The following TMC2 variants were observed in gnomAD, a reference collection of about 807,000 sequenced individuals.
TMC2 encodes transmembrane channel-like protein 2.
In TMC2, 102 loss-of-function variants were observed where a neutral mutation model predicts 105.9. The observed-to-expected ratio is 0.96, with a 90% confidence interval of 0.82 to 1.14. TMC2 has a LOEUF of 1.14. Among genes scored for constraint, TMC2 ranks in the 50% most tolerant of loss-of-function variants. The pLI is 0.00. For synonymous variants in TMC2, 402 were observed against 422.8 expected, an observed-to-expected ratio of 0.95 and a Z score of 0.60; for missense variants, 1,093 against 1,134.3, an observed-to-expected ratio of 0.96 and a Z score of 0.52.
At chr20:2,561,527 T>C (rs2086025714) in intron 3 of TMC2, among the ~76,000 whole-genome samples, 1 of 152,242 alleles carries the variant, frequency 6.6e-6, no homozygotes, top group South Asian at 2.1e-4. Context: ...TTAAAATTGC[T>C]TTAATCCATT....
chr20:2,551,326 GTT>G (rs1384786792), intron 2 of TMC2, among the ~76,000 whole-genome samples: 1 of 148,734 alleles, frequency 6.7e-6, no homozygotes, highest in East Asian at 2.0e-4. Flanking sequence ...TTATTCTTGA[GTT>G]TTCATGTGTG....
At position 2,580,041 on chromosome 20, in the gene TMC2, A is replaced by G. The variant is rs776344938; in HGVS notation, c.819A>G (p.Leu273=). Residue 273 remains leucine, a synonymous_variant, in exon 7 of 20, where the codon CTA becomes CTG. Transcript: ENST00000358864. Reference sequence around the variant, plus strand: ...TCCTTTTTGGCTTAATATTTGGTCTAGTCATAATCCCAGAGGTAAGAAAAG... The same window carrying G: ...TCCTTTTTGGCTTAATATTTGGTCTGGTCATAATCCCAGAGGTAAGAAAAG... The part of the protein sequence containing the change: ...NLVLFGLIFG[L]VIIPEVLMGM... The G allele has an allele frequency of 1.2e-6, 2 of 1,610,182 alleles. No individual in the cohort carries two copies. Among genetic ancestry groups the G allele is most frequent in the Non-Finnish European group, 1.7e-6 (2 of 1,176,454 alleles).
intron 5 of TMC2, among the ~76,000 whole-genome samples, chr20:2,575,826 C>T (rs1428662962): frequency 6.6e-6 from 1 of 151,622 alleles, no homozygotes; most frequent in Non-Finnish European, 1.5e-5. Context: ...ATCCATTTTC[C>T]TCTGTGTCAA....
In TMC2 at chr20:2,610,552, A is replaced by C. The variant is rs780454446; in HGVS notation, c.1547A>C (p.Asn516Thr). The C allele has an allele frequency of 6.2e-7, 1 of 1,611,446 alleles. No individual in the cohort carries two copies. The highest frequency in any genetic ancestry group is 1.1e-5 in the South Asian group (1 of 90,816). The change falls in exon 12 of 20, where the codon AAC (asparagine) becomes ACC (threonine). Residue 516 changes from asparagine to threonine, a missense_variant. Transcript: ENST00000358864. ...CGCATCTTTGCACTCTTCCTGGGGAACCTCTACACATTTCTCTTGGCCCTG... is the reference window on the plus strand; with the variant it reads ...CGCATCTTTGCACTCTTCCTGGGGACCCTCTACACATTTCTCTTGGCCCTG... Reference protein sequence around the residue: ...LGRIFALFLGNLYTFLLALMD... With the variant: ...LGRIFALFLGTLYTFLLALMD...
chr20:2,563,759 G>A (rs904169046), intron 4 of TMC2, among the ~76,000 whole-genome samples: 5 of 152,138 alleles, frequency 3.3e-5, no homozygotes, highest in African/African-American at 1.2e-4. Flanking sequence ...ACAGAGTCTT[G>A]CTCTGTCACC....
chr20:2,593,246 G>A (rs1010578854), intron 8 of TMC2, among the ~76,000 whole-genome samples: 1 of 152,018 alleles, frequency 6.6e-6, no homozygotes, highest in African/African-American at 2.4e-5. Flanking sequence ...GAACAGCATG[G>A]GGGAAACTGT....
At chr20:2,549,481 G>A (rs568634374) in intron 2 of TMC2, among the ~76,000 whole-genome samples, 14 of 152,200 alleles carry the variant, frequency 9.2e-5, no homozygotes, top group South Asian at 2.1e-4. Flanking sequence ...GGTTGCTTAC[G>A]TCTGTAATCC....
intron 16 of TMC2, among the ~76,000 whole-genome samples, chr20:2,619,418 C>T (rs1453511094): frequency 6.6e-6 from 1 of 152,138 alleles, no homozygotes; most frequent in Admixed American, 6.6e-5. Context: ...AAGAGTAATA[C>T]ATCTGCTAGT....
rs751015833 is a variant in TMC2 at position 2,641,544 on chromosome 20, C to T, written c.*193C>T. The T allele has an allele frequency of 2.7e-4, 153 of 576,728 alleles. No homozygotes were observed. Among genetic ancestry groups the T allele is most frequent in the Non-Finnish European group, 4.4e-4 (143 of 323,180 alleles). The allele number at this position is 576,728 out of a possible 1,614,324, so 35.7% of individuals were successfully genotyped here. A position where few individuals can be genotyped will look rare whatever the true frequency, so the allele number is the denominator to read the frequency against. ...GGAGGAAGACAGTGGCTTCACCTGT[C>T]CTTTAGGGAAGCTGGAGCCATCTCT... On this transcript the variant is annotated 3_prime_UTR_variant, in exon 20 of 20. Coordinates refer to ENST00000358864, the MANE Select transcript of TMC2 (RefSeq NM_080751.3).
chr20:2,620,707 A>C (rs1032433992), intron 16 of TMC2, among the ~76,000 whole-genome samples: 14 of 152,332 alleles, frequency 9.2e-5, no homozygotes, highest in Admixed American at 8.5e-4. Flanking sequence ...CAGCTGAGAC[A>C]TGTGCTATCC....
intron 2 of TMC2, among the ~76,000 whole-genome samples, chr20:2,551,393 G>T (rs1370060394): frequency 7.2e-6 from 1 of 139,840 alleles, no homozygotes; most frequent in Non-Finnish European, 1.5e-5. Context: ...TTTTCTACTA[G>T]TTTGTGGGTT....
At chr20:2,554,420 C>T (rs1021324148) in intron 2 of TMC2, among the ~76,000 whole-genome samples, 1 of 152,098 alleles carries the variant, frequency 6.6e-6, no homozygotes, top group Non-Finnish European at 1.5e-5. Context: ...TTCTCTCCAT[C>T]GTTTTCTTGT....
chr20:2,572,156 C>CTTATT, intron 4 of TMC2, 23 bp from the exon 5 acceptor site: 1 of 1,274,004 alleles, frequency 7.8e-7, no homozygotes, highest in Non-Finnish European at 1.1e-6. Flanking sequence ...TGAAATCCTG[C>CTTATT]TTTTTTTTTT....
At chr20:2,589,324 G>GTGTGTGTGTGTGTGTGT (rs71193978) in intron 7 of TMC2, among the ~76,000 whole-genome samples, 109 of 148,860 alleles carry the variant, frequency 7.3e-4, no homozygotes, top group East Asian at 1.2e-3. Flanking sequence ...GTGTGTGTGT[G>GTGTGTGTGTGTGTGTGT]GAGATGGGGT....
chr20:2,553,033 T>G (rs1045215037), intron 2 of TMC2, among the ~76,000 whole-genome samples: 7 of 152,234 alleles, frequency 4.6e-5, no homozygotes, highest in African/African-American at 1.7e-4. Context: ...TAGACAATTA[T>G]ACTATCTGTG....
At position 2,538,520 on chromosome 20, in the gene TMC2, C is replaced by A. The variant is rs2085866922; in HGVS notation, c.82+1204C>A. Reference sequence around the variant, plus strand: ...GTAGGATGCTCAGGCTGGTTCTCCACACCCCACTCCCCTCGTAGTCATCCA... The same window carrying A: ...GTAGGATGCTCAGGCTGGTTCTCCAAACCCCACTCCCCTCGTAGTCATCCA... On this transcript the variant is annotated intron_variant, in intron 2 of 19. Transcript: ENST00000358864. Among the ~76,000 whole-genome samples the A allele has an allele frequency of 2.6e-5, 4 of 152,198 alleles. No individual in the cohort carries two copies. The South Asian group carries it at 8.3e-4, about 31-fold the overall frequency.
At chr20:2,548,429 G>A (rs1441265865) in intron 2 of TMC2, among the ~76,000 whole-genome samples, 3 of 152,188 alleles carry the variant, frequency 2.0e-5, no homozygotes, top group Non-Finnish European at 2.9e-5. Context: ...ACCCGAGATC[G>A]GGGGTTCGAG....
chr20:2,607,644 T>C (rs1417202811), intron 11 of TMC2, among the ~76,000 whole-genome samples: 1 of 152,256 alleles, frequency 6.6e-6, no homozygotes, highest in African/African-American at 2.4e-5. Flanking sequence ...CCACTGTTTC[T>C]CTTGACCTTC....
At chr20:2,610,387 A>C (rs368709182) in intron 11 of TMC2, 32 bp from the exon 12 acceptor site, 3 of 1,580,010 alleles carry the variant, frequency 1.9e-6, no homozygotes, top group Non-Finnish European at 2.6e-6. Context: ...TATAATGTTG[A>C]TGACACAACG....
Sources: allele counts gnomAD v4.1 joint callset (sites outside exome capture counted in the v4.1 genomes callset), GRCh38; gene constraint gnomAD v4.1.1; transcripts MANE v1.5; gene names NCBI Gene and HGNC (gene_info 2026-07-23, HGNC 2026-07-21).